The following CNTN3 variants were observed in gnomAD, a reference collection of about 807,000 sequenced individuals.
The protein encoded by CNTN3 is contactin-3.
In CNTN3, 60 loss-of-function variants were observed where a neutral mutation model predicts 119.1. That is an observed-to-expected ratio of 0.50 (90% CI 0.41 to 0.62). CNTN3 has a LOEUF of 0.62. CNTN3 is among the 20% of genes least tolerant of loss of function. The pLI is 0.00. For missense variants in CNTN3, 1,101 were observed against 1,242.4 expected, an observed-to-expected ratio of 0.89 and a Z score of 1.71; for synonymous variants, 450 against 438.7, an observed-to-expected ratio of 1.03 and a Z score of -0.32.
chr3:74,543,190 G>A (rs1221302421), intron 1 of CNTN3, among the ~76,000 whole-genome samples: 2 of 152,120 alleles, frequency 1.3e-5, no homozygotes, highest in African/African-American at 4.8e-5. Flanking sequence ...GAAAGTACAT[G>A]AAATGCATGA....
intron 20 of CNTN3, among the ~76,000 whole-genome samples, chr3:74,281,011 C>T (rs183892490): frequency 9.9e-5 from 15 of 152,194 alleles, no homozygotes; most frequent in Admixed American, 9.8e-4. Context: ...TTTCGAGATA[C>T]AGGAAACAGT....
intron 2 of CNTN3, among the ~76,000 whole-genome samples, chr3:74,515,845 G>A (rs1269480124): frequency 6.6e-6 from 1 of 151,942 alleles, no homozygotes; most frequent in Non-Finnish European, 1.5e-5. Context: ...ATTCACTTAA[G>A]GCTTTTCACC....
At chr3:74,602,107 C>T (rs992454877) in intron 1 of CNTN3, among the ~76,000 whole-genome samples, 2 of 151,534 alleles carry the variant, frequency 1.3e-5, no homozygotes, top group African/African-American at 2.4e-5. Flanking sequence ...CCCCAGAGTT[C>T]GAGACCAGCC....
At chr3:74,529,946 A>G (rs1471811153) in intron 1 of CNTN3, among the ~76,000 whole-genome samples, 2 of 150,596 alleles carry the variant, frequency 1.3e-5, no homozygotes, top group African/African-American at 2.4e-5. Context: ...AAAAGTGCTA[A>G]CGAGAACTTT....
chr3:74,515,446 A>G (rs1703434446), intron 2 of CNTN3, among the ~76,000 whole-genome samples: 1 of 152,068 alleles, frequency 6.6e-6, no homozygotes, highest in Non-Finnish European at 1.5e-5. Context: ...TATTGGCAAG[A>G]TGGCATACAC....
intron 1 of CNTN3, among the ~76,000 whole-genome samples, chr3:74,587,234 A>C (rs2106678663): frequency 6.6e-6 from 1 of 152,142 alleles, no homozygotes; most frequent in African/African-American, 2.4e-5. Context: ...ATTGAGTTCA[A>C]CATCAGGGCT....
chr3:74,373,105 A>G (rs1704382082), intron 5 of CNTN3, among the ~76,000 whole-genome samples: 1 of 152,224 alleles, frequency 6.6e-6, no homozygotes, highest in Non-Finnish European at 1.5e-5. Context: ...TCAGTCAGTC[A>G]TGTGATAAGT....
At chr3:74,333,172 G>A (rs894358439) in intron 13 of CNTN3, among the ~76,000 whole-genome samples, 1 of 152,232 alleles carries the variant, frequency 6.6e-6, no homozygotes, top group Non-Finnish European at 1.5e-5. Flanking sequence ...ACAGAAAATA[G>A]AAAGGGTCCT....
At chr3:74,396,169 A>T (rs897370901) in intron 5 of CNTN3, among the ~76,000 whole-genome samples, 2 of 152,194 alleles carry the variant, frequency 1.3e-5, no homozygotes, top group Admixed American at 1.3e-4. Flanking sequence ...TAAGTGTTCA[A>T]GTGAAAAGAA....
intron 16 of CNTN3, among the ~76,000 whole-genome samples, chr3:74,301,066 C>T (rs1247502674): frequency 6.6e-6 from 1 of 152,174 alleles, no homozygotes; most frequent in African/African-American, 2.4e-5. Flanking sequence ...TTTGCCAATG[C>T]TTGTTATAAA....
intron 5 of CNTN3, among the ~76,000 whole-genome samples, chr3:74,392,985 T>A (rs773991812): frequency 3.9e-5 from 6 of 152,150 alleles, no homozygotes; most frequent in African/African-American, 4.8e-5. Flanking sequence ...TACTGTGTTA[T>A]ATATCTAATT....
intron 4 of CNTN3, among the ~76,000 whole-genome samples, chr3:74,442,180 G>T (rs76418667): frequency 7.4e-6 from 1 of 136,018 alleles, no homozygotes; most frequent in South Asian, 2.5e-4. Context: ...CACACACAGA[G>T]AGAGAGAGAT....
chr3:74,555,665 A>T (rs545517378), intron 1 of CNTN3, among the ~76,000 whole-genome samples: 1 of 152,252 alleles, frequency 6.6e-6, no homozygotes, highest in Admixed American at 6.5e-5. Context: ...CCAGGAATTT[A>T]CCCATGTCTT....
intron 1 of CNTN3, among the ~76,000 whole-genome samples, chr3:74,558,953 A>G (rs1440569407): frequency 6.8e-6 from 1 of 147,400 alleles, no homozygotes; most frequent in Non-Finnish European, 1.5e-5. Context: ...ACTGCACTCC[A>G]GCCTGGGTGA....
intron 5 of CNTN3, among the ~76,000 whole-genome samples, chr3:74,420,020 T>C (rs1012597167): frequency 7.9e-5 from 12 of 152,220 alleles, no homozygotes; most frequent in African/African-American, 2.9e-4. Context: ...GTCTTCTATT[T>C]CTGGCTTTTG....
chr3:74,593,492 A>T (rs1704739390), intron 1 of CNTN3, among the ~76,000 whole-genome samples: 1 of 151,998 alleles, frequency 6.6e-6, no homozygotes, highest in South Asian at 2.1e-4. Context: ...ATGGTGCTAT[A>T]ATGTCTATGT....
intron 1 of CNTN3, among the ~76,000 whole-genome samples, chr3:74,588,837 G>C (rs1165048109): frequency 6.6e-6 from 1 of 152,098 alleles, no homozygotes; most frequent in Non-Finnish European, 1.5e-5. Flanking sequence ...ACAAATCTGA[G>C]AAAAACAAGC....
chr3:74,557,621 T>C (rs1704089799), intron 1 of CNTN3, among the ~76,000 whole-genome samples: 1 of 151,402 alleles, frequency 6.6e-6, no homozygotes, highest in African/African-American at 2.4e-5. Context: ...TTCTTGTTCC[T>C]AGAAAGGTAA....
intron 4 of CNTN3, among the ~76,000 whole-genome samples, chr3:74,446,010 C>T (rs1398186780): frequency 6.6e-6 from 1 of 152,122 alleles, no homozygotes; most frequent in East Asian, 1.9e-4. Flanking sequence ...TGTTTAAAGG[C>T]CACATCTTTG....
Sources: gnomAD v4.1 joint callset for allele counts (sites outside exome capture counted in the v4.1 genomes callset) on GRCh38, gnomAD v4.1.1 for gene constraint, MANE v1.5 for transcripts, NCBI Gene and HGNC (gene_info 2026-07-23, HGNC 2026-07-21) for gene names.